The following CLEC5A variants were observed in gnomAD, a reference collection of about 807,000 sequenced individuals.
CLEC5A encodes C-type lectin domain containing 5A.
In CLEC5A, 15 loss-of-function variants were observed where a neutral mutation model predicts 24.4. The ratio of observed to expected loss-of-function variants is 0.62; its 90% CI spans 0.41 to 0.95. The LOEUF (loss-of-function observed/expected upper bound fraction) is 0.95, where lower values mean the gene tolerates loss of function less well. CLEC5A is among the 40% of genes least tolerant of loss of function. The pLI, the probability that CLEC5A is intolerant of heterozygous loss-of-function variation, is 0.00. For missense variants in CLEC5A, 211 were observed against 224.0 expected (o/e 0.94, Z 0.37); for synonymous variants, 71 against 72.6 (o/e 0.98, Z 0.11).
Position 141,930,046 on chromosome 7 carries a change from C to T in CLEC5A, c.*58G>A, listed in dbSNP as rs73525921. ...GTAAGTAAAAGAATCATTGGCCAGA[C>T]GACCTGTATGGATTCAAAAAGAGTT... is the stretch of plus-strand genomic sequence containing the variant. On this transcript the variant is annotated 3_prime_UTR_variant, in exon 7 of 7. Coordinates refer to ENST00000546910, the MANE Select transcript of CLEC5A (RefSeq NM_013252.3). The T allele has an allele frequency of 4.8e-3, 6,399 of 1,345,446 alleles. 249 individuals carry two copies. In the African/African-American group the frequency reaches 0.081, roughly 17 times the overall value. The allele number at this position is 1,345,446 out of a possible 1,614,324, so 83.3% of individuals were successfully genotyped here.
chr7:141,945,241 A>G, intron 3 of CLEC5A, 100 bp downstream of exon 3: 1 of 879,302 alleles, frequency 1.1e-6, no homozygotes, highest in South Asian at 1.3e-5. Context: ...CCTTTGTACA[A>G]AAGAATTTCT....
chr7:141,934,254 TG>T (rs1802550002), intron 5 of CLEC5A, among the ~76,000 whole-genome samples: 2 of 152,174 alleles, frequency 1.3e-5, no homozygotes, highest in South Asian at 4.1e-4. Context: ...GGCAAGGAGA[TG>T]GATTAGAAGA....
intron 5 of CLEC5A, among the ~76,000 whole-genome samples, chr7:141,935,546 A>T (rs1178585058): frequency 6.6e-6 from 1 of 152,208 alleles, no homozygotes; most frequent in Non-Finnish European, 1.5e-5. Flanking sequence ...GCCCATCCCC[A>T]GGATATCAGC....
intron 4 of CLEC5A, among the ~76,000 whole-genome samples, chr7:141,938,554 G>A (rs572090664): frequency 8.5e-5 from 13 of 152,244 alleles, no homozygotes; most frequent in Admixed American, 2.6e-4. Flanking sequence ...GAAATAGATA[G>A]GGGTAGAAAG....
chr7:141,936,150 G>C, intron 4 of CLEC5A, 200 bp from the exon 5 acceptor site: 1 of 574,930 alleles, frequency 1.7e-6, no homozygotes. Flanking sequence ...GGAGAAGAGC[G>C]CAGTGGCTGA....
At chr7:141,945,869 G>A in intron 2 of CLEC5A, 1 of 320,888 alleles carries the variant, frequency 3.1e-6, no homozygotes, top group Admixed American at 4.7e-5. Context: ...CCTTGTCATT[G>A]GGTTGAACTG....
intron 4 of CLEC5A, among the ~76,000 whole-genome samples, chr7:141,938,077 A>T (rs1554441293): frequency 6.6e-6 from 1 of 152,204 alleles, no homozygotes. Context: ...GACCATGAAG[A>T]CTACAATAAA....
rs577969284 is a variant in CLEC5A at position 141,927,690 on chromosome 7, C to G, written c.*2414G>C. 1 of 152,186 alleles carries G rather than the reference C, an allele frequency of 6.6e-6. No homozygotes were observed. Among genetic ancestry groups the G allele is most frequent in the African/African-American group, 2.4e-5 (1 of 41,434 alleles). The allele number at this position is 152,186 out of a possible 1,614,324, so 9.4% of individuals were successfully genotyped here. A position where few individuals can be genotyped will look rare whatever the true frequency, so the allele number is the denominator to read the frequency against. The stretch of plus-strand genomic sequence containing the variant: ...TCTTTGATCTCATGTGGCTTGGCCA[C>G]AACATTTTTAAGGCACCCTTCTCTG... On this transcript the variant is annotated 3_prime_UTR_variant, in exon 7 of 7. Transcript: ENST00000546910.
chr7:141,944,286 C>T (rs898261495), intron 3 of CLEC5A, among the ~76,000 whole-genome samples: 2 of 152,138 alleles, frequency 1.3e-5, no homozygotes, highest in Non-Finnish European at 2.9e-5. Flanking sequence ...ACACTCCTAT[C>T]GTATATAAAC....
chr7:141,930,020 G>T lies in CLEC5A; in HGVS notation c.*84C>A. ...AAGGACCGCTACTGGTAGACAGATA[G>T]GTAAGTAAAAGAATCATTGGCCAGA... On this transcript the variant is annotated 3_prime_UTR_variant, in exon 7 of 7. Coordinates refer to ENST00000546910, the MANE Select transcript of CLEC5A (RefSeq NM_013252.3). The T allele has an allele frequency of 9.6e-7, 1 of 1,046,020 alleles. No individual in the cohort carries two copies. The highest frequency in any genetic ancestry group is 1.4e-6 in the Non-Finnish European group (1 of 696,328). The allele number at this position is 1,046,020 out of a possible 1,614,324, so 64.8% of individuals were successfully genotyped here. A position where few individuals can be genotyped will look rare whatever the true frequency, so the allele number is the denominator to read the frequency against.
Position 141,946,238 on chromosome 7 carries a change from C to T in CLEC5A, c.55G>A (p.Gly19Arg), listed in dbSNP as rs368529995. The change falls in exon 2 of 7, where the codon GGA (glycine) becomes AGA (arginine). Residue 19 changes from glycine (G) to arginine (R), a missense_variant. By Grantham distance (125) the Gly-to-Arg change is moderately radical. Transcript: ENST00000546910. The part of the protein sequence containing the change: ...GLIVVVLKVV[G>R]MTLFLLYFPQ... Reference sequence around the variant, plus strand: ...CAATAAAGTAGAAATAAGGTCATTCCAACAACTTTAAGCACTACCACAATA... The same window carrying T: ...CAATAAAGTAGAAATAAGGTCATTCTAACAACTTTAAGCACTACCACAATA... 6.4e-7 allele frequency: 1 copy of T among 1,569,848 alleles called. No individual in the cohort carries two copies. The highest frequency in any genetic ancestry group is 8.6e-7 in the Non-Finnish European group (1 of 1,156,140).
At position 141,946,234 on chromosome 7, in the gene CLEC5A, AT is replaced by A. The variant is rs1554442131; in HGVS notation, c.58del (p.Met20Ter). The A allele has an allele frequency of 6.4e-7, 1 of 1,568,848 alleles. No individual in the cohort carries two copies. Among genetic ancestry groups the A allele is most frequent in the East Asian group, 2.3e-5 (1 of 43,282 alleles). Reference sequence around the variant, plus strand: ...CTCACAATAAAGTAGAAATAAGGTCATTCCAACAACTTTAAGCACTACCACA... The same window carrying A: ...CTCACAATAAAGTAGAAATAAGGTCATCCAACAACTTTAAGCACTACCACA... Reference protein sequence around the residue: ...LIVVVLKVVGMTLFLLYFPQI... With the variant: ...LIVVVLKVVGXTLFLLYFPQI... On this transcript the variant is annotated frameshift_variant, in exon 2 of 7. Coordinates refer to ENST00000546910, the MANE Select transcript of CLEC5A (RefSeq NM_013252.3). LOFTEE classifies it high-confidence loss of function.
chr7:141,934,613 GTTTTTTTTTTTTTTTT>G (rs577797546), intron 5 of CLEC5A, among the ~76,000 whole-genome samples: 96 of 61,808 alleles, frequency 1.6e-3, no homozygotes, highest in African/African-American at 5.9e-3. Context: ...TTTCTTTAAC[GTTTTTTTTTTTTTTTT>G]TTTTTTTTTT....
chr7:141,935,988 G>C (rs555250924), intron 4 of CLEC5A, 38 bp from the exon 5 acceptor site: 1 of 1,594,698 alleles, frequency 6.3e-7, no homozygotes, highest in African/African-American at 1.3e-5. Context: ...GAGTTTACTG[G>C]TTTGGGTTAT....
At chr7:141,939,532 C>CA (rs1160179462) in intron 4 of CLEC5A, among the ~76,000 whole-genome samples, 5 of 151,560 alleles carry the variant, frequency 3.3e-5, no homozygotes, top group Non-Finnish European at 7.4e-5. Context: ...AAGAGAAGAT[C>CA]AAAAAACAAC....
At chr7:141,939,019 A>C (rs1378893493) in intron 4 of CLEC5A, among the ~76,000 whole-genome samples, 1 of 152,222 alleles carries the variant, frequency 6.6e-6, no homozygotes, top group Non-Finnish European at 1.5e-5. Context: ...ATTGCTAAAA[A>C]CAGCTCTTTA....
intron 5 of CLEC5A, among the ~76,000 whole-genome samples, chr7:141,933,402 G>A (rs1198630527): frequency 1.3e-5 from 2 of 151,756 alleles, no homozygotes; most frequent in South Asian, 2.1e-4. Flanking sequence ...GATGCTCAGC[G>A]TAGTTAGTGC....
intron 5 of CLEC5A, 76 bp downstream of exon 5, chr7:141,935,738 C>CG (rs5888023): frequency 3.5e-6 from 5 of 1,416,786 alleles, no homozygotes; most frequent in East Asian, 2.3e-5. Flanking sequence ...CCCCACTCCC[C>CG]CAAGTTTCTA....
At chr7:141,943,483 A>G (rs575139847) in intron 4 of CLEC5A, among the ~76,000 whole-genome samples, 206 of 152,210 alleles carry the variant, frequency 1.4e-3, no homozygotes, top group Non-Finnish European at 2.1e-3. Context: ...GGGTACTAAA[A>G]AATAGAAAGA....
Sources: gnomAD v4.1 joint callset for allele counts (sites outside exome capture counted in the v4.1 genomes callset) on GRCh38, gnomAD v4.1.1 for gene constraint, MANE v1.5 for transcripts, NCBI Gene and HGNC (gene_info 2026-07-23, HGNC 2026-07-21) for gene names.